Variants in FRMD6 observed in about 807,000 individuals in gnomAD.
FRMD6 encodes the protein FERM domain containing 6, also known as FERM domain-containing protein 6.
A neutral mutation model predicts 73.2 loss-of-function variants in FRMD6; 37 were observed. The ratio of observed to expected loss-of-function variants is 0.51; its 90% CI spans 0.39 to 0.66. FRMD6 has a LOEUF of 0.66. FRMD6 is among the 30% of genes least tolerant of loss of function. The pLI, the probability that FRMD6 is intolerant of heterozygous loss-of-function variation, is 0.00. For missense variants in FRMD6, 714 were observed against 780.5 expected (o/e 0.91, Z 1.02); for synonymous variants, 273 against 282.2 (o/e 0.97, Z 0.33).
At chr14:51,600,160 T>C (rs1248917472) in intron 2 of FRMD6, among the ~76,000 whole-genome samples, 2 of 152,108 alleles carry the variant, frequency 1.3e-5, no homozygotes, top group East Asian at 3.9e-4. Context: ...GAAGATAGTT[T>C]GACTTGTTTA....
intron 1 of FRMD6, among the ~76,000 whole-genome samples, chr14:51,685,012 G>A (rs1283357095): frequency 6.6e-6 from 1 of 152,122 alleles, no homozygotes; most frequent in Non-Finnish European, 1.5e-5. Context: ...CACAGCACCA[G>A]ACCAGATCCA....
In FRMD6 at chr14:51,617,524, A is replaced by C. The variant is rs141511119; in HGVS notation, c.-147+47114A>C. On this transcript the variant is annotated intron_variant, in intron 2 of 14. Transcript: ENST00000356218. ...AATGTGGGCCTATTATGTAACATAT[A>C]TTTAATATGATATATTGCTGCACAT... Among the ~76,000 whole-genome samples the C allele has an allele frequency of 3.0e-3, 456 of 152,306 alleles. 2 individuals carry two copies. The highest frequency in any genetic ancestry group is 9.8e-3 in the African/African-American group (409 of 41,564).
At chr14:51,482,819 G>C in the FRMD6 span, among the ~76,000 whole-genome samples, 3 of 152,042 alleles carry the variant, frequency 2.0e-5, no homozygotes, top group East Asian at 5.8e-4. Context: ...TCCTGCCTCA[G>C]CCTCCCGAGT....
chr14:51,628,797 TC>T (rs542423912), intron 2 of FRMD6, among the ~76,000 whole-genome samples: 16,105 of 52,488 alleles, frequency 0.31, 1,415 homozygotes, highest in African/African-American at 0.38. Context: ...CAAGACTCTG[TC>T]TCAAAAAAAA....
In FRMD6 at chr14:51,651,916, TG is replaced by T; in HGVS notation, c.-223del. 6.8e-6 allele frequency: 1 copy of T among 147,284 alleles called. No individual in the cohort carries two copies. Among genetic ancestry groups the T allele is most frequent in the Non-Finnish European group, 1.5e-5 (1 of 66,804 alleles). The allele number at this position is 147,284 out of a possible 1,614,324, so 9.1% of individuals were successfully genotyped here. ...GGCGGGGCCAAGGGGCTGAGAGGAG[TG>T]GGGCAGGCTCGGCGCCGGTAGGAAG... On this transcript the variant is annotated 5_prime_UTR_variant, in exon 1 of 14. Transcript: ENST00000344768.
chr14:51,555,571 G>C (rs1887081447), intron 1 of FRMD6, among the ~76,000 whole-genome samples: 1 of 152,158 alleles, frequency 6.6e-6, no homozygotes, highest in Admixed American at 6.5e-5. Flanking sequence ...GGGAGGCTGA[G>C]TCGAGCAGAT....
chr14:51,445,474 A>ATCT, the FRMD6 span, among the ~76,000 whole-genome samples: 1 of 149,392 alleles, frequency 6.7e-6, no homozygotes, highest in East Asian at 2.0e-4. Flanking sequence ...CAGAAGTGCA[A>ATCT]TTTTTTTTTT....
chr14:51,681,934 C>T (rs1894826427), intron 1 of FRMD6, among the ~76,000 whole-genome samples: 1 of 152,174 alleles, frequency 6.6e-6, no homozygotes, highest in Non-Finnish European at 1.5e-5. Flanking sequence ...TACAGCTACT[C>T]TAATTTGTTA....
the FRMD6 span, among the ~76,000 whole-genome samples, chr14:51,424,226 A>G: frequency 6.6e-6 from 1 of 152,220 alleles, no homozygotes; most frequent in Non-Finnish European, 1.5e-5. Context: ...GGTAAAAGCC[A>G]CCGATGAGAT....
At chr14:51,473,508 G>C in the FRMD6 span, among the ~76,000 whole-genome samples, 1 of 152,146 alleles carries the variant, frequency 6.6e-6, no homozygotes, top group Non-Finnish European at 1.5e-5. Context: ...CCAGAAGTAG[G>C]CCTGTTCTTC....
chr14:51,610,579 G>A (rs753785417), intron 2 of FRMD6, among the ~76,000 whole-genome samples: 21 of 152,074 alleles, frequency 1.4e-4, no homozygotes, highest in Non-Finnish European at 2.4e-4. Context: ...TGAGTTTAAA[G>A]GTTGAAGAAT....
chr14:51,609,686 G>A (rs1395031642), intron 2 of FRMD6, among the ~76,000 whole-genome samples: 1 of 152,196 alleles, frequency 6.6e-6, no homozygotes. Flanking sequence ...TGTTCACTGA[G>A]TAAGGGGAGA....
At chr14:51,509,647 G>A (rs1348171479) in intron 1 of FRMD6, among the ~76,000 whole-genome samples, 1 of 152,178 alleles carries the variant, frequency 6.6e-6, no homozygotes, top group Non-Finnish European at 1.5e-5. Context: ...TTTATTTTGA[G>A]ATGGAGTCTC....
At chr14:51,621,590 C>T (rs2139926057) in intron 2 of FRMD6, among the ~76,000 whole-genome samples, 1 of 152,310 alleles carries the variant, frequency 6.6e-6, no homozygotes, top group African/African-American at 2.4e-5. Context: ...ACAACATTTA[C>T]TGGATTAGAT....
At chr14:51,566,909 T>A (rs1001834437) in intron 1 of FRMD6, among the ~76,000 whole-genome samples, 4 of 152,194 alleles carry the variant, frequency 2.6e-5, no homozygotes, top group Non-Finnish European at 5.9e-5. Context: ...TTGGTTGAGG[T>A]TGAGCATTTG....
chr14:51,493,653 GA>G (rs1270691851), intron 1 of FRMD6, among the ~76,000 whole-genome samples: 2 of 152,114 alleles, frequency 1.3e-5, no homozygotes, highest in East Asian at 3.8e-4. Context: ...AGCAGTGTGA[GA>G]ACTAATACAC....
chr14:51,401,009 G>C, the FRMD6 span, among the ~76,000 whole-genome samples: 1 of 152,088 alleles, frequency 6.6e-6, no homozygotes. Flanking sequence ...TGGAACTACT[G>C]GGTAAAATTA....
chr14:51,499,328 G>A (rs1883474622), intron 1 of FRMD6, among the ~76,000 whole-genome samples: 1 of 152,116 alleles, frequency 6.6e-6, no homozygotes, highest in South Asian at 2.1e-4. Flanking sequence ...GAGTAATTGA[G>A]GTATGAATGG....
At chr14:51,532,123 C>T (rs912425222) in intron 1 of FRMD6, among the ~76,000 whole-genome samples, 2 of 152,056 alleles carry the variant, frequency 1.3e-5, no homozygotes, top group African/African-American at 4.8e-5. Flanking sequence ...AATCCCAGTA[C>T]TTTGGGAGGC....
Sources: gnomAD v4.1 joint callset for allele counts (sites outside exome capture counted in the v4.1 genomes callset) on GRCh38, gnomAD v4.1.1 for gene constraint, MANE v1.5 for transcripts, NCBI Gene and HGNC (gene_info 2026-07-23, HGNC 2026-07-21) for gene names.